The following FOXJ2 variants were observed in gnomAD, a reference collection of about 807,000 sequenced individuals.
FOXJ2 encodes the protein forkhead box J2.
In FOXJ2, 18 loss-of-function variants were observed where a neutral mutation model predicts 68.4. The observed-to-expected ratio is 0.26, with a 90% confidence interval of 0.18 to 0.39. The LOEUF (loss-of-function observed/expected upper bound fraction) is 0.39. Among genes scored for constraint, FOXJ2 ranks in the 10% least tolerant of loss-of-function variants. The pLI, the probability that FOXJ2 is intolerant of heterozygous loss-of-function variation, is 1.00. For missense variants in FOXJ2, 670 were observed against 726.5 expected (o/e 0.92, Z 0.89); for synonymous variants, 274 against 263.2 (o/e 1.04, Z -0.40).
intron 10 of FOXJ2, among the ~76,000 whole-genome samples, chr12:8,052,016 C>T (rs974678949): frequency 3.3e-5 from 5 of 151,544 alleles, no homozygotes; most frequent in Middle Eastern, 6.9e-3. Flanking sequence ...TCACAGGCGC[C>T]CGCCACTGTG....
chr12:8,045,107 G>A (rs1463645874), intron 6 of FOXJ2, 149 bp downstream of exon 6: 9 of 759,708 alleles, frequency 1.2e-5, no homozygotes, highest in African/African-American at 3.5e-5. Context: ...GCAGTGGCAC[G>A]ATCTGAGCTC....
At chr12:8,052,646 G>A (rs920138349) in intron 10 of FOXJ2, 116 bp from the exon 11 acceptor site, 14 of 800,674 alleles carry the variant, frequency 1.7e-5, no homozygotes, top group Non-Finnish European at 2.4e-5. Context: ...TGATAAGGGC[G>A]ATAGCCTCAC....
Position 8,050,162 on chromosome 12 carries a change from G to A in FOXJ2, c.1538-360G>A, listed in dbSNP as rs765548270. 4.7e-5 allele frequency: 11 copies of A among 234,262 alleles called. No individual in the cohort carries two copies. In the East Asian group the frequency reaches 1.4e-3, roughly 30 times the overall value. 14.5% of individuals were successfully genotyped at this position (234,262 alleles called of 1,614,324 possible). A position where few individuals can be genotyped will look rare whatever the true frequency, so the allele number is the denominator to read the frequency against. The stretch of plus-strand genomic sequence containing the variant: ...ATTTTTTTTTTGTATTTTGTGTATA[G>A]CTGGGGTTTCACCGTGTCGCCCAGG... On this transcript the variant is annotated intron_variant, in intron 9 of 10. Coordinates refer to ENST00000162391, the MANE Select transcript of FOXJ2 (RefSeq NM_018416.3).
intron 5 of FOXJ2, 94 bp downstream of exon 5, chr12:8,044,185 A>G: frequency 1.5e-6 from 2 of 1,351,424 alleles, no homozygotes; most frequent in Non-Finnish European, 1.9e-6. Flanking sequence ...AGTATCTGTG[A>G]TATATGAGGC....
intron 2 of FOXJ2, among the ~76,000 whole-genome samples, chr12:8,042,066 C>T (rs897994794): frequency 2.6e-5 from 4 of 151,996 alleles, no homozygotes; most frequent in Admixed American, 6.6e-5. Context: ...TTAGTAGAGA[C>T]GGGGTTTCAC....
rs749751763 is a variant in FOXJ2, at chr12:8,048,949, A to G, written c.1327+151A>G. On this transcript the variant is annotated intron_variant, in intron 8 of 10. Transcript: ENST00000162391. The stretch of plus-strand genomic sequence containing the variant: ...TTTACACAAGATGGATCATATTTAC[A>G]TTATTTTCAAATTAACTCAAATTAA... The G allele has an allele frequency of 1.3e-5, 8 of 633,936 alleles. No individual in the cohort carries two copies. In the East Asian group the frequency reaches 1.6e-4, roughly 13 times the overall value. The allele number at this position is 633,936 out of a possible 1,614,324, so 39.3% of individuals were successfully genotyped here.
At chr12:8,036,858 A>G (rs776159769) in intron 1 of FOXJ2, among the ~76,000 whole-genome samples, 5 of 152,118 alleles carry the variant, frequency 3.3e-5, no homozygotes, top group Admixed American at 3.3e-4. Context: ...GGAGACCGAG[A>G]TGGGTAGATC....
intron 5 of FOXJ2, 70 bp downstream of exon 5, chr12:8,044,161 A>C (rs1298803511): frequency 4.9e-6 from 7 of 1,424,452 alleles, no homozygotes; most frequent in Non-Finnish European, 6.5e-6. Context: ...CTGTTTATTC[A>C]GAATTATGTA....
At position 8,042,715 on chromosome 12, in the gene FOXJ2, C is replaced by T. The variant is rs1565628547; in HGVS notation, c.391C>T (p.Arg131Trp). 4 of 1,614,028 alleles carry T rather than the reference C, an allele frequency of 2.5e-6. No individual in the cohort carries two copies. Among genetic ancestry groups the T allele is most frequent in the Admixed American group, 1.7e-5 (1 of 60,010 alleles). ...NKCFRKVPRP[R>W]DDPGKGSYWT... ...GTGTTTCCGGAAGGTGCCCAGACCT[C>T]GGGATGACCCTGGGAAGGTAAGATA... Residue 131 changes from arginine to tryptophan, a missense_variant, in exon 3 of 11, where the codon CGG becomes TGG. By Grantham distance (101) the Arg-to-Trp change is moderately radical (BLOSUM62 -3). Around this residue, in one of 2 missense-constraint regions of FOXJ2, gnomAD observed 555 missense variants for 562.2 expected, o/e 0.99. Transcript: ENST00000162391.
chr12:8,049,961 G>A (rs75663487), intron 9 of FOXJ2: 3,518 of 263,266 alleles, frequency 0.013, 118 homozygotes, highest in African/African-American at 0.072. Context: ...TCATGATTAT[G>A]TTCCTGTTTC....
At chr12:8,039,601 G>A (rs187888952) in intron 1 of FOXJ2, among the ~76,000 whole-genome samples, 5 of 152,178 alleles carry the variant, frequency 3.3e-5, no homozygotes, top group Admixed American at 2.6e-4. Flanking sequence ...TACATGGAGA[G>A]GCCCCTTGGC....
intron 5 of FOXJ2, among the ~76,000 whole-genome samples, 167 bp downstream of exon 5, chr12:8,044,258 G>C (rs538808121): frequency 7.2e-5 from 11 of 152,140 alleles, no homozygotes; most frequent in South Asian, 2.1e-4. Flanking sequence ...AAATAGAAAG[G>C]CATAGCAGAA....
Position 8,051,077 on chromosome 12 carries a change from CCATTCCCTTT to C in FOXJ2, c.1636+459_1636+468del, listed in dbSNP as rs1162473613. Among the ~76,000 whole-genome samples the C allele has an allele frequency of 4.8e-5, 6 of 124,628 alleles. No homozygotes were observed. In the South Asian group the frequency reaches 9.4e-4, roughly 20 times the overall value. The allele number at this position is 124,628 out of a possible 152,430, so 81.8% of individuals were successfully genotyped here. On this transcript the variant is annotated intron_variant, in intron 10 of 10. Coordinates refer to ENST00000162391, the MANE Select transcript of FOXJ2 (RefSeq NM_018416.3). ...CTTGCCCTTCCTTTCCCCTTCCCTT[CCATTCCCTTT>C]CCCTTCCCTTCCCCTTCCCCTTCCC...
chr12:8,050,320 A>T, intron 9 of FOXJ2: 1 of 1,323,666 alleles, frequency 7.6e-7, no homozygotes, highest in South Asian at 2.2e-5. Flanking sequence ...CTATTTCACA[A>T]TTGTACTATC....
chr12:8,048,944 T>C (rs756293962), intron 8 of FOXJ2, 146 bp downstream of exon 8: 3 of 636,734 alleles, frequency 4.7e-6, no homozygotes, highest in Non-Finnish European at 8.3e-6. Context: ...ATGGATCATA[T>C]TTACATTATT....
chr12:8,043,813 G>C (rs914865364), intron 4 of FOXJ2, 44 bp downstream of exon 4: 3 of 1,612,528 alleles, frequency 1.9e-6, no homozygotes, highest in Non-Finnish European at 2.5e-6. Flanking sequence ...TGAGCCAGCT[G>C]CTCCTTCCAC....
chr12:8,049,339 A>T, intron 8 of FOXJ2, 23 bp from the exon 9 acceptor site: 1 of 1,589,702 alleles, frequency 6.3e-7, no homozygotes. Flanking sequence ...CAAGGTTTGC[A>T]TTGCTTGCTT....
At chr12:8,046,142 C>T (rs2121342107) in intron 6 of FOXJ2, among the ~76,000 whole-genome samples, 1 of 152,274 alleles carries the variant, frequency 6.6e-6, no homozygotes, top group East Asian at 1.9e-4. Flanking sequence ...GGACTAAGGG[C>T]AGTGATTTTA....
chr12:8,036,634 A>T (rs76745228), intron 1 of FOXJ2, among the ~76,000 whole-genome samples: 1 of 152,222 alleles, frequency 6.6e-6, no homozygotes, highest in African/African-American at 2.4e-5. Context: ...TGCCTTTCTA[A>T]TAATAGCCCT....
Sources: gnomAD v4.1 joint callset for allele counts (sites outside exome capture counted in the v4.1 genomes callset) on GRCh38, gnomAD v4.1.1 for gene constraint, gnomAD v4.1.1 regional missense constraint, MANE v1.5 for transcripts, NCBI Gene and HGNC (gene_info 2026-07-23, HGNC 2026-07-21) for gene names.